The following ST6GALNAC5 variants were observed in gnomAD, a reference collection of about 807,000 sequenced individuals.
ST6GALNAC5 encodes the protein alpha-N-acetylgalactosaminide alpha-2,6-sialyltransferase 5.
ST6GALNAC5 carries 27 observed loss-of-function variants against 33.6 expected under a neutral mutation model. The observed-to-expected ratio is 0.80, with a 90% CI of 0.59 to 1.11. ST6GALNAC5 has a LOEUF of 1.11. Ranked by LOEUF, ST6GALNAC5 falls within the 50% of genes least tolerant of loss-of-function variation. The pLI is 0.00. For missense variants in ST6GALNAC5, 428 were observed against 454.0 expected, an observed-to-expected ratio of 0.94 and a Z score of 0.52; for synonymous variants, 194 against 171.2, an observed-to-expected ratio of 1.13 and a Z score of -1.04.
rs1652799373 is a variant in ST6GALNAC5, at chr1:77,066,968, G to C, written c.*3762G>C. Among the ~76,000 whole-genome samples, 1 of 152,142 alleles carries C rather than the reference G, an allele frequency of 6.6e-6. No homozygotes were observed. Among genetic ancestry groups the C allele is most frequent in the African/African-American group, 2.4e-5 (1 of 41,438 alleles). ...GAGTAATGACCATGGTAGGTGGGAGGAATATATCTGGCTACCATACAAGGT... is the reference window on the plus strand; with the variant it reads ...GAGTAATGACCATGGTAGGTGGGAGCAATATATCTGGCTACCATACAAGGT... On this transcript the variant is annotated 3_prime_UTR_variant, in exon 5 of 5. Transcript: ENST00000477717.
At chr1:77,039,298 G>A (rs546184555) in intron 2 of ST6GALNAC5, among the ~76,000 whole-genome samples, 2 of 152,262 alleles carry the variant, frequency 1.3e-5, no homozygotes, top group East Asian at 3.9e-4. Context: ...TTAATAACTG[G>A]CTGGGCTTAA....
At chr1:76,878,031 A>T (rs1409078557) in intron 2 of ST6GALNAC5, among the ~76,000 whole-genome samples, 2 of 152,154 alleles carry the variant, frequency 1.3e-5, no homozygotes, top group Non-Finnish European at 2.9e-5. Context: ...ATGATAATCC[A>T]CTGTCATTCT....
At chr1:77,044,949 A>G (rs1047882596) in intron 3 of ST6GALNAC5, among the ~76,000 whole-genome samples, 2 of 152,214 alleles carry the variant, frequency 1.3e-5, no homozygotes, top group Non-Finnish European at 2.9e-5. Flanking sequence ...ACCAAAAAAA[A>G]AGTATATGGG....
chr1:76,881,143 A>G (rs941653131), intron 2 of ST6GALNAC5, among the ~76,000 whole-genome samples: 7 of 152,152 alleles, frequency 4.6e-5, no homozygotes, highest in Admixed American at 6.5e-5. Context: ...TAATATTGTC[A>G]TCCGTATCCC....
intron 2 of ST6GALNAC5, among the ~76,000 whole-genome samples, chr1:76,879,161 G>T (rs1163265016): frequency 5.3e-5 from 8 of 152,184 alleles, no homozygotes; most frequent in Non-Finnish European, 1.0e-4. Flanking sequence ...GGATGAGTAT[G>T]TCTAAAGTGA....
In ST6GALNAC5 at chr1:76,910,579, A is replaced by C. The variant is rs550480299; in HGVS notation, c.261+41837A>C. On this transcript the variant is annotated intron_variant, in intron 2 of 4. Transcript: ENST00000477717. ...ATATCAGTTTGATGACTGCTCAAAC[A>C]CTTATAAAGTTTCAATATTAACTTT... Among the ~76,000 whole-genome samples the C allele has an allele frequency of 2.6e-5, 4 of 152,222 alleles. No individual in the cohort carries two copies. In the East Asian group the frequency reaches 5.8e-4, roughly 22 times the overall value.
At chr1:77,029,103 C>T (rs761889555) in intron 2 of ST6GALNAC5, among the ~76,000 whole-genome samples, 5 of 152,152 alleles carry the variant, frequency 3.3e-5, no homozygotes, top group Admixed American at 6.5e-5. Context: ...ATAGACTTCC[C>T]TCTTTAGGGA....
At chr1:77,057,775 C>T (rs1249940022) in intron 4 of ST6GALNAC5, among the ~76,000 whole-genome samples, 1 of 152,102 alleles carries the variant, frequency 6.6e-6, no homozygotes, top group Non-Finnish European at 1.5e-5. Context: ...TGCCAAGGTA[C>T]CATATTTTGG....
intron 2 of ST6GALNAC5, among the ~76,000 whole-genome samples, chr1:76,870,251 A>G (rs1265796967): frequency 6.6e-6 from 1 of 152,222 alleles, no homozygotes; most frequent in African/African-American, 2.4e-5. Flanking sequence ...AGGAAAGTTT[A>G]GACATTAGCT....
chr1:76,975,788 T>A (rs1648985845), intron 2 of ST6GALNAC5, among the ~76,000 whole-genome samples: 1 of 152,094 alleles, frequency 6.6e-6, no homozygotes, highest in Admixed American at 6.6e-5. Flanking sequence ...AAATATTAGT[T>A]ACCTTTAAAA....
chr1:77,026,181 T>G (rs1195927213), intron 2 of ST6GALNAC5, among the ~76,000 whole-genome samples: 1 of 150,958 alleles, frequency 6.6e-6, no homozygotes, highest in African/African-American at 2.4e-5. Flanking sequence ...TTGACCTGTC[T>G]GCTGCCATTT....
intron 4 of ST6GALNAC5, among the ~76,000 whole-genome samples, chr1:77,059,495 C>T (rs1652506250): frequency 6.6e-6 from 1 of 152,194 alleles, no homozygotes; most frequent in South Asian, 2.1e-4. Flanking sequence ...CCACAGAAGC[C>T]ATAGGCCCTT....
chr1:76,889,419 A>G (rs950192724), intron 2 of ST6GALNAC5, among the ~76,000 whole-genome samples: 2 of 152,096 alleles, frequency 1.3e-5, no homozygotes, highest in Non-Finnish European at 2.9e-5. Flanking sequence ...TCTTCTTGAA[A>G]TATAATTTTT....
chr1:76,938,225 G>T (rs1225849084), intron 2 of ST6GALNAC5, among the ~76,000 whole-genome samples: 1 of 152,056 alleles, frequency 6.6e-6, no homozygotes, highest in Non-Finnish European at 1.5e-5. Flanking sequence ...TGAAGGCAGA[G>T]CCAGGCTGCC....
chr1:77,005,346 G>A (rs917309675), intron 2 of ST6GALNAC5, among the ~76,000 whole-genome samples: 4 of 152,152 alleles, frequency 2.6e-5, no homozygotes, highest in African/African-American at 9.7e-5. Flanking sequence ...CCCTGCTTCG[G>A]CTCGCGCACG....
intron 2 of ST6GALNAC5, among the ~76,000 whole-genome samples, chr1:77,016,172 CTG>C (rs1491348562): frequency 0.63 from 9,629 of 15,238 alleles, 3,437 homozygotes; most frequent in African/African-American, 0.68. Flanking sequence ...CCTCCTCCTC[CTG>C]TCCTCCCCCT....
rs1653395684 is a variant in ST6GALNAC5, at chr1:76,868,234, TC to T, written c.16-262del. On this transcript the variant is annotated intron_variant, in intron 1 of 4. Transcript: ENST00000477717. The surrounding 1 kb of genome is among the most constrained non-coding windows in gnomAD (Gnocchi z 4.3). ...CCTCGGCCCCGGCGCGCTCCCTCCC[TC>T]AGCCCGGGGCCGTACACCACCTGCC... Among the ~76,000 whole-genome samples, 2 of 151,938 alleles carry T rather than the reference TC, an allele frequency of 1.3e-5. No individual in the cohort carries two copies. Among genetic ancestry groups the T allele is most frequent in the African/African-American group, 4.8e-5 (2 of 41,472 alleles).
intron 2 of ST6GALNAC5, among the ~76,000 whole-genome samples, chr1:76,965,954 C>G (rs948531946): frequency 6.6e-6 from 1 of 152,140 alleles, no homozygotes; most frequent in African/African-American, 2.4e-5. Context: ...CTGTTCTGCT[C>G]CATTGGTCTA....
chr1:76,991,374 T>C (rs1649722149), intron 2 of ST6GALNAC5, among the ~76,000 whole-genome samples: 1 of 152,236 alleles, frequency 6.6e-6, no homozygotes. Flanking sequence ...AACACAGTTA[T>C]ATATCATCAA....
Sources: gnomAD v4.1 joint callset for allele counts (sites outside exome capture counted in the v4.1 genomes callset) on GRCh38, gnomAD v4.1.1 for gene constraint, Gnocchi (gnomAD v3.1) non-coding constraint, MANE v1.5 for transcripts, NCBI Gene and HGNC (gene_info 2026-07-23, HGNC 2026-07-21) for gene names.